The following SHC3 variants were observed in gnomAD, a reference collection of about 807,000 sequenced individuals.
SHC3 encodes the protein SHC adaptor protein 3, also known as SHC-transforming protein 3.
SHC3 carries 15 observed loss-of-function variants against 60.4 expected under a neutral mutation model. That is an observed-to-expected ratio of 0.25 (90% CI 0.17 to 0.38). The LOEUF (loss-of-function observed/expected upper bound fraction) is 0.38. SHC3 is among the 10% of genes least tolerant of loss of function. The pLI is 1.00. For missense variants in SHC3, 677 were observed against 786.1 expected, an observed-to-expected ratio of 0.86 and a Z score of 1.66; for synonymous variants, 294 against 325.9, an observed-to-expected ratio of 0.90 and a Z score of 1.05.
chr9:89,111,980 T>A (rs957197655), intron 2 of SHC3, among the ~76,000 whole-genome samples: 1 of 152,204 alleles, frequency 6.6e-6, no homozygotes, highest in Non-Finnish European at 1.5e-5. Flanking sequence ...TATTAGAGTA[T>A]AAGATTTTAT....
intron 11 of SHC3, among the ~76,000 whole-genome samples, chr9:89,021,374 A>T (rs1203725510): frequency 6.6e-6 from 1 of 152,080 alleles, no homozygotes; most frequent in Non-Finnish European, 1.5e-5. Flanking sequence ...CAGCTGCCAG[A>T]GTAGGGAGGC....
intron 2 of SHC3, among the ~76,000 whole-genome samples, chr9:89,106,377 C>T (rs1313410875): frequency 3.9e-5 from 6 of 152,310 alleles, no homozygotes; most frequent in South Asian, 2.1e-4. Flanking sequence ...CCAGCGCTGT[C>T]GCCTGGCAGG....
chr9:89,013,718 GCTGTCTGCAAAGAGCAATGGCCAAT>G (rs1177069228), intron 11 of SHC3, 143 bp from the exon 12 acceptor site: 1 of 1,229,130 alleles, frequency 8.1e-7, no homozygotes, highest in Non-Finnish European at 1.1e-6. Context: ...CTTTAGAGAT[GCTGTCTGCAAAGAGCAATGGCCAAT>G]CCATTTCATT....
At chr9:89,037,628 T>G in intron 11 of SHC3, 1 of 679,048 alleles carries the variant, frequency 1.5e-6, no homozygotes, top group South Asian at 1.7e-5. Flanking sequence ...CTTTTCGAGA[T>G]AAGCATTCAA....
At chr9:89,142,263 A>T (rs1010726749) in intron 1 of SHC3, among the ~76,000 whole-genome samples, 8 of 152,162 alleles carry the variant, frequency 5.3e-5, no homozygotes, top group Admixed American at 5.2e-4. Context: ...GCCTTTTATT[A>T]AGAGGGGCCT....
intron 1 of SHC3, among the ~76,000 whole-genome samples, chr9:89,133,906 A>G (rs1427926873): frequency 1.3e-5 from 2 of 152,152 alleles, no homozygotes; most frequent in Non-Finnish European, 2.9e-5. Flanking sequence ...AACTTAAAGT[A>G]TAATAAAAAA....
intron 1 of SHC3, among the ~76,000 whole-genome samples, chr9:89,153,063 T>C (rs1333563699): frequency 6.6e-6 from 1 of 152,204 alleles, no homozygotes; most frequent in Non-Finnish European, 1.5e-5. Flanking sequence ...ACTGGTGTGA[T>C]GTGTGTATAA....
intron 11 of SHC3, among the ~76,000 whole-genome samples, chr9:89,027,655 G>A (rs1016021055): frequency 6.6e-6 from 1 of 152,176 alleles, no homozygotes; most frequent in Non-Finnish European, 1.5e-5. Flanking sequence ...GTTAGGATGA[G>A]TACAGGAATT....
intron 1 of SHC3, among the ~76,000 whole-genome samples, chr9:89,144,142 T>TACGCAC (rs1826434704): frequency 6.6e-6 from 1 of 152,192 alleles, no homozygotes; most frequent in Non-Finnish European, 1.5e-5. Context: ...TATGTGTGCA[T>TACGCAC]ACGCACAGAA....
chr9:89,142,895 C>T lies in SHC3; in HGVS notation c.475-30269G>A, dbSNP rs974701798. ...TTGGAGTTCACCAGAAAGATGTTAC[C>T]GGACCCCACCACTTACCCCAAATTA... On this transcript the variant is annotated intron_variant, in intron 1 of 11. Transcript: ENST00000375835. Among the ~76,000 whole-genome samples the T allele has an allele frequency of 5.3e-5, 8 of 152,138 alleles. No homozygotes were observed. In the East Asian group the frequency reaches 7.7e-4, roughly 15 times the overall value.
intron 11 of SHC3, among the ~76,000 whole-genome samples, chr9:89,018,495 G>C (rs984323143): frequency 1.1e-4 from 16 of 152,094 alleles, no homozygotes; most frequent in African/African-American, 3.9e-4. Flanking sequence ...CTGTCAGGGG[G>C]TGGGGGGCTA....
At chr9:89,045,952 A>G (rs1824765906) in intron 8 of SHC3, 119 bp from the exon 9 acceptor site, 2 of 898,834 alleles carry the variant, frequency 2.2e-6, no homozygotes, top group Non-Finnish European at 3.4e-6. Flanking sequence ...CCTCTGTTAC[A>G]CCCAATTTTC....
At chr9:89,061,692 G>A (rs574403851) in intron 6 of SHC3, among the ~76,000 whole-genome samples, 1 of 152,242 alleles carries the variant, frequency 6.6e-6, no homozygotes, top group Non-Finnish European at 1.5e-5. Flanking sequence ...AACAATAAAT[G>A]GAAAATTTCT....
intron 1 of SHC3, among the ~76,000 whole-genome samples, chr9:89,149,895 G>A (rs573430381): frequency 4.6e-5 from 7 of 152,218 alleles, no homozygotes; most frequent in East Asian, 3.9e-4. Flanking sequence ...TGCTCCACCC[G>A]CAGTGTGAAT....
At position 89,051,965 on chromosome 9, in the gene SHC3, G is replaced by A. The variant is rs1009642321; in HGVS notation, c.962+72C>T. The A allele has an allele frequency of 5.7e-6, 9 of 1,586,046 alleles. No individual in the cohort carries two copies. In the East Asian group the frequency reaches 1.6e-4, roughly 28 times the overall value. On this transcript the variant is annotated intron_variant, in intron 7 of 11. Coordinates refer to ENST00000375835, the MANE Select transcript of SHC3 (RefSeq NM_016848.6). Reference sequence around the variant, plus strand: ...TGTGCCTGTCCAGAACACAGCTCAGGGATGTGGTTTTAAGAGGAAAGGTCA... The same window carrying A: ...TGTGCCTGTCCAGAACACAGCTCAGAGATGTGGTTTTAAGAGGAAAGGTCA...
At position 89,028,244 on chromosome 9, in the gene SHC3, T is replaced by C. The variant is rs189344812; in HGVS notation, c.1656+9749A>G. Among the ~76,000 whole-genome samples the C allele has an allele frequency of 6.9e-3, 1,047 of 152,238 alleles. 13 individuals are homozygous for C. Among genetic ancestry groups the C allele is most frequent in the Middle Eastern group, 0.01 (3 of 294 alleles). On this transcript the variant is annotated intron_variant, in intron 11 of 11. Coordinates refer to ENST00000375835, the MANE Select transcript of SHC3 (RefSeq NM_016848.6). ...CACATAATCTCAGTCAGTCTTCTGA[T>C]ACTGGGGACAGACTAGAGGGAAAGA...
chr9:89,085,432 G>A (rs765037432), intron 2 of SHC3, among the ~76,000 whole-genome samples: 4 of 152,180 alleles, frequency 2.6e-5, no homozygotes, highest in East Asian at 1.9e-4. Flanking sequence ...TCTGTCTCCC[G>A]TGCTCTCGCA....
chr9:89,076,195 C>T (rs944138521), intron 3 of SHC3, among the ~76,000 whole-genome samples: 7 of 152,168 alleles, frequency 4.6e-5, no homozygotes, highest in East Asian at 1.9e-4. Context: ...TCTCAGTTGC[C>T]GTCCTAGTTC....
chr9:89,129,960 G>C (rs980953595), intron 1 of SHC3, among the ~76,000 whole-genome samples: 3 of 152,162 alleles, frequency 2.0e-5, no homozygotes, highest in Admixed American at 1.3e-4. Flanking sequence ...GACACAGACT[G>C]GCAAATTGGA....
Sources: allele counts gnomAD v4.1 joint callset (sites outside exome capture counted in the v4.1 genomes callset), GRCh38; gene constraint gnomAD v4.1.1; transcripts MANE v1.5; gene names NCBI Gene and HGNC (gene_info 2026-07-23, HGNC 2026-07-21).